The following PIP5K1C variants were observed in gnomAD, a reference collection of about 807,000 sequenced individuals.
PIP5K1C encodes phosphatidylinositol-4-phosphate 5-kinase type 1 gamma.
PIP5K1C carries 45 observed loss-of-function variants against 80.1 expected under a neutral mutation model. That is an observed-to-expected ratio of 0.56 (90% CI 0.44 to 0.72). The LOEUF (loss-of-function observed/expected upper bound fraction) is 0.72. Ranked by LOEUF, PIP5K1C falls within the 30% of genes least tolerant of loss-of-function variation. PIP5K1C has a pLI of 0.00. For synonymous variants in PIP5K1C, 498 were observed against 420.1 expected (o/e 1.19, Z -2.27); for missense variants, 753 against 954.6 (o/e 0.79, Z 2.78).
At chr19:3,687,591 A>G (rs2035802849) in intron 1 of PIP5K1C, among the ~76,000 whole-genome samples, 1 of 151,132 alleles carries the variant, frequency 6.6e-6, no homozygotes, top group Non-Finnish European at 1.5e-5. Context: ...ACATGCAGAT[A>G]CACACATGCA....
chr19:3,691,719 G>C (rs1281290838), intron 1 of PIP5K1C, among the ~76,000 whole-genome samples: 1 of 151,012 alleles, frequency 6.6e-6, no homozygotes, highest in Admixed American at 6.7e-5. Context: ...GAGTGCATCT[G>C]AATACACGTA....
At chr19:3,685,900 G>A (rs2035745887) in intron 1 of PIP5K1C, among the ~76,000 whole-genome samples, 1 of 151,956 alleles carries the variant, frequency 6.6e-6, no homozygotes, top group African/African-American at 2.4e-5. Context: ...GTCTTGCACT[G>A]TCACCCAGGC....
At chr19:3,638,822 G>A (rs1359966022) in intron 16 of PIP5K1C, 62 bp downstream of exon 16, 6 of 1,591,766 alleles carry the variant, frequency 3.8e-6, no homozygotes, top group Admixed American at 1.7e-5. Flanking sequence ...GCACACGGTG[G>A]AGCGTGTGTG....
intron 1 of PIP5K1C, among the ~76,000 whole-genome samples, chr19:3,694,203 C>A (rs1343430697): frequency 2.1e-5 from 3 of 146,096 alleles, no homozygotes; most frequent in Admixed American, 1.4e-4. Context: ...GACAGCGAGA[C>A]TCCATCTCAA....
At chr19:3,667,466 G>A (rs923274883) in intron 1 of PIP5K1C, 113 bp from the exon 2 acceptor site, 5 of 1,130,888 alleles carry the variant, frequency 4.4e-6, no homozygotes, top group East Asian at 2.4e-5. Context: ...GTAACTCCGC[G>A]TGGGGCTGGT....
intron 2 of PIP5K1C, among the ~76,000 whole-genome samples, chr19:3,666,665 A>G: frequency 6.6e-6 from 1 of 152,102 alleles, no homozygotes; most frequent in East Asian, 1.9e-4. Context: ...GCAAACATGC[A>G]CACACACAAA....
At chr19:3,675,104 T>C (rs111364461) in intron 1 of PIP5K1C, among the ~76,000 whole-genome samples, 6 of 151,836 alleles carry the variant, frequency 4.0e-5, no homozygotes, top group African/African-American at 1.4e-4. Context: ...GGATGGAGAG[T>C]GACAGCCGCC....
intron 1 of PIP5K1C, among the ~76,000 whole-genome samples, chr19:3,698,667 C>T (rs1018253222): frequency 6.6e-6 from 1 of 152,082 alleles, no homozygotes; most frequent in Non-Finnish European, 1.5e-5. Context: ...CAAAATACCT[C>T]TGCCAAGGCA....
rs2033431733 is a variant in PIP5K1C, at chr19:3,630,183, TG to T, written c.*2983del. 6.6e-6 allele frequency: 1 copy of T among 152,398 alleles called. No homozygotes were observed. The highest frequency in any genetic ancestry group is 2.4e-5 in the African/African-American group (1 of 41,442). The allele number at this position is 152,398 out of a possible 1,614,324, so 9.4% of individuals were successfully genotyped here. A position where few individuals can be genotyped will look rare whatever the true frequency, so the allele number is the denominator to read the frequency against. On this transcript the variant is annotated 3_prime_UTR_variant, in exon 18 of 18. Coordinates refer to ENST00000335312, the MANE Select transcript of PIP5K1C (RefSeq NM_012398.3). ...ACCCACAGAAAGGCAAACAGGCGGATGCTTATTACCCGATTTATTAGAGAGA... is the reference window on the plus strand; with the variant it reads ...ACCCACAGAAAGGCAAACAGGCGGATCTTATTACCCGATTTATTAGAGAGA...
chr19:3,671,754 G>C (rs1001713816), intron 1 of PIP5K1C, among the ~76,000 whole-genome samples: 4 of 152,170 alleles, frequency 2.6e-5, no homozygotes, highest in Admixed American at 1.3e-4. Flanking sequence ...CCAGGGGGTG[G>C]GGGCAGGTGA....
intron 13 of PIP5K1C, 132 bp from the exon 14 acceptor site, chr19:3,643,071 C>G (rs909264596): frequency 6.8e-6 from 10 of 1,460,072 alleles, no homozygotes; most frequent in East Asian, 2.3e-5. Flanking sequence ...CTCCTCCCTC[C>G]CACACATTGG....
At position 3,688,609 on chromosome 19, in the gene PIP5K1C, G is replaced by A. The variant is rs1255500057; in HGVS notation, c.94+11688C>T. 2.0e-5 allele frequency among the ~76,000 whole-genome samples: 3 copies of A among 147,924 alleles called. No homozygotes were observed. Among genetic ancestry groups the A allele is most frequent in the African/African-American group, 7.8e-5 (3 of 38,434 alleles). On this transcript the variant is annotated intron_variant, in intron 1 of 17. Coordinates refer to ENST00000335312, the MANE Select transcript of PIP5K1C (RefSeq NM_012398.3). This position sits in a 1 kb window ranked among gnomAD's most constrained non-coding sequence, Gnocchi z 5.3. ...CGGTTTTGCTGGTGATTCTGCTGCT[G>A]AAATTGCCCCCCCAGGCATTGTCCT...
At chr19:3,647,476 CA>C in intron 9 of PIP5K1C, 90 bp from the exon 10 acceptor site, 1 of 1,115,364 alleles carries the variant, frequency 9.0e-7, no homozygotes, top group Non-Finnish European at 1.3e-6. Context: ...CCCCCCAGGA[CA>C]CTGGGCCATG....
At position 3,643,272 on chromosome 19, in the gene PIP5K1C, G is replaced by C; in HGVS notation, c.1620C>G (p.Pro540=). The part of the protein sequence containing the change: ...STSLSIPERS[P]SETSEQPRYR... Reference sequence around the variant, plus strand: ...ACCGCGGCTGCTCCGACGTCTCCGAGGGGGACCGCTCAGGAATGGAGAGGG... The same window carrying C: ...ACCGCGGCTGCTCCGACGTCTCCGACGGGGACCGCTCAGGAATGGAGAGGG... Residue 540 remains proline (P), a synonymous_variant, in exon 13 of 18, where the codon CCC becomes CCG. Transcript: ENST00000335312. The C allele has an allele frequency of 6.2e-7, 1 of 1,613,812 alleles. No individual in the cohort carries two copies. The highest frequency in any genetic ancestry group is 8.5e-7 in the Non-Finnish European group (1 of 1,179,922).
intron 16 of PIP5K1C, 43 bp from the exon 17 acceptor site, chr19:3,633,563 G>A: frequency 7.6e-7 from 1 of 1,322,258 alleles, no homozygotes; most frequent in Non-Finnish European, 1.0e-6. Flanking sequence ...GAAGAGCAGG[G>A]TGCGAGGAGG....
chr19:3,690,374 C>T (rs2035911453), intron 1 of PIP5K1C, among the ~76,000 whole-genome samples: 1 of 151,710 alleles, frequency 6.6e-6, no homozygotes, highest in Admixed American at 6.6e-5. Flanking sequence ...CGCACACCTG[C>T]AGTCCCAGCT....
rs1400520805 is a variant in PIP5K1C at position 3,638,861 on chromosome 19, CAGG to C, written c.1920+20_1920+22del. The stretch of plus-strand genomic sequence containing the variant: ...GAGAGTCCGGTTGACGAGCCGGCGG[CAGG>C]AGGAGCCCGGGGCACTTACAAAGTA... On this transcript the variant is annotated intron_variant, in intron 16 of 17. Transcript: ENST00000335312. The C allele has an allele frequency of 6.2e-6, 10 of 1,612,710 alleles. No homozygotes were observed. Among genetic ancestry groups the C allele is most frequent in the African/African-American group, 1.3e-5 (1 of 74,862 alleles).
intron 6 of PIP5K1C, among the ~76,000 whole-genome samples, chr19:3,655,938 G>A (rs965852191): frequency 6.6e-6 from 1 of 152,238 alleles, no homozygotes; most frequent in Non-Finnish European, 1.5e-5. Context: ...GGGGTGGGCC[G>A]GATGGAGCTG....
At chr19:3,684,787 G>A (rs1298327244) in intron 1 of PIP5K1C, among the ~76,000 whole-genome samples, 1 of 152,192 alleles carries the variant, frequency 6.6e-6, no homozygotes, top group East Asian at 1.9e-4. Flanking sequence ...CAAAGCCCCG[G>A]GCGGCTCTCT....
Sources: gnomAD v4.1 joint callset for allele counts (sites outside exome capture counted in the v4.1 genomes callset) on GRCh38, gnomAD v4.1.1 for gene constraint, Gnocchi (gnomAD v3.1) non-coding constraint, MANE v1.5 for transcripts, NCBI Gene and HGNC (gene_info 2026-07-23, HGNC 2026-07-21) for gene names.